KALRN: variants seen among roughly 807,000 people sequenced by gnomAD.
KALRN encodes kalirin RhoGEF kinase, also known as kalirin.
KALRN carries 70 observed loss-of-function variants against 353.7 expected under a neutral mutation model. The ratio of observed to expected loss-of-function variants is 0.20; its 90% CI spans 0.16 to 0.24. The LOEUF (loss-of-function observed/expected upper bound fraction) is 0.24, where lower values mean the gene tolerates loss of function less well. Among genes scored for constraint, KALRN ranks in the 10% least tolerant of loss-of-function variants. The pLI, the probability that KALRN is intolerant of heterozygous loss-of-function variation, is 1.00. For synonymous variants in KALRN, 1,391 were observed against 1,434.8 expected, an observed-to-expected ratio of 0.97 and a Z score of 0.69; for missense variants, 2,791 against 3,756.7, an observed-to-expected ratio of 0.74 and a Z score of 6.72.
chr3:124,151,710 G>A (rs1277075278), intron 1 of KALRN, among the ~76,000 whole-genome samples: 1 of 151,964 alleles, frequency 6.6e-6, no homozygotes, highest in African/African-American at 2.4e-5. Context: ...CTTTATTGTG[G>A]TCCAGTTTAT....
intron 25 of KALRN, among the ~76,000 whole-genome samples, chr3:124,468,166 G>A (rs1057298001): frequency 1.3e-5 from 2 of 152,172 alleles, no homozygotes; most frequent in Non-Finnish European, 2.9e-5. Context: ...TGTACATTAT[G>A]CCCTGATATA....
chr3:124,492,158 A>G (rs2063236624), intron 31 of KALRN, among the ~76,000 whole-genome samples: 1 of 152,248 alleles, frequency 6.6e-6, no homozygotes, highest in African/African-American at 2.4e-5. Flanking sequence ...AACTGCCAGC[A>G]TAGCTGCTAC....
intron 1 of KALRN, among the ~76,000 whole-genome samples, chr3:124,037,347 G>A (rs1272588389): frequency 6.6e-6 from 1 of 152,220 alleles, no homozygotes; most frequent in East Asian, 1.9e-4. Context: ...AATGAAGAAT[G>A]GGCAGTGGCA....
intron 1 of KALRN, among the ~76,000 whole-genome samples, chr3:124,140,434 G>C (rs778279347): frequency 6.6e-6 from 1 of 152,204 alleles, no homozygotes; most frequent in Non-Finnish European, 1.5e-5. Context: ...GCTCTTCTCT[G>C]TCTCTGTCAG....
At chr3:124,605,648 G>A (rs2077271403) in intron 34 of KALRN, among the ~76,000 whole-genome samples, 1 of 151,350 alleles carries the variant, frequency 6.6e-6, no homozygotes, top group South Asian at 2.1e-4. Flanking sequence ...GTATCCAAAT[G>A]GGGCCCAAAA....
chr3:124,481,138 A>G (rs1207561818), intron 27 of KALRN, among the ~76,000 whole-genome samples: 1 of 152,048 alleles, frequency 6.6e-6, no homozygotes, highest in Non-Finnish European at 1.5e-5. Context: ...TGTTGCTGTT[A>G]GGTATATATA....
chr3:124,082,459 G>A (rs1035574869), intron 1 of KALRN: 1 of 362,334 alleles, frequency 2.8e-6, no homozygotes, highest in African/African-American at 2.1e-5. Context: ...GGGGTGAGGT[G>A]GTGGTGGTGC....
intron 9 of KALRN, among the ~76,000 whole-genome samples, chr3:124,339,513 G>A (rs2081466895): frequency 6.6e-6 from 1 of 152,196 alleles, no homozygotes; most frequent in Non-Finnish European, 1.5e-5. Flanking sequence ...TTCAAGTGGT[G>A]CCTGCATGCT....
At chr3:124,615,007 T>G (rs2078409942) in intron 34 of KALRN, among the ~76,000 whole-genome samples, 1 of 152,272 alleles carries the variant, frequency 6.6e-6, no homozygotes, top group Admixed American at 6.5e-5. Context: ...AAACATTACT[T>G]ATAGTTAATT....
At chr3:124,578,884 C>T (rs2074376039) in intron 34 of KALRN, among the ~76,000 whole-genome samples, 1 of 97,388 alleles carries the variant, frequency 1.0e-5, no homozygotes, top group Admixed American at 1.0e-4. Context: ...GAGATCAGGG[C>T]CTGGCCTCTG....
intron 10 of KALRN, among the ~76,000 whole-genome samples, chr3:124,353,887 C>T (rs1257527255): frequency 6.6e-6 from 1 of 152,160 alleles, no homozygotes; most frequent in African/African-American, 2.4e-5. Flanking sequence ...TTGCATGACA[C>T]GTTTCCCGTT....
intron 11 of KALRN, among the ~76,000 whole-genome samples, chr3:124,394,389 T>C (rs897801739): frequency 1.3e-5 from 2 of 152,238 alleles, no homozygotes; most frequent in African/African-American, 4.8e-5. Context: ...CTGTATTCAG[T>C]ATGATGAGGA....
Position 124,439,200 on chromosome 3 carries a change from T to TCACACACACACACACACACA in KALRN, c.3198+181_3198+200dup, listed in dbSNP as rs376221553. 3.4e-3 allele frequency among the ~76,000 whole-genome samples: 336 copies of TCACACACACACACACACACA among 98,894 alleles called. 6 individuals are homozygous for TCACACACACACACACACACA. The highest frequency in any genetic ancestry group is 0.011 in the African/African-American group (300 of 28,374). 64.9% of individuals were successfully genotyped at this position (98,894 alleles called of 152,430 possible). A position where few individuals can be genotyped will look rare whatever the true frequency, so the allele number is the denominator to read the frequency against. The stretch of plus-strand genomic sequence containing the variant: ...TCCTTCTTCTCCTTCTCTCTCTCTC[T>TCACACACACACACACACACA]CACACACACACACACACACACACAC... On this transcript the variant is annotated intron_variant, in intron 18 of 59. Transcript: ENST00000682506.
rs555551311 is a variant in KALRN at position 124,088,315 on chromosome 3, C to A, written c.73+54502C>A. Among the ~76,000 whole-genome samples, 7 of 152,294 alleles carry A rather than the reference C, an allele frequency of 4.6e-5. No individual in the cohort carries two copies. In the South Asian group the frequency reaches 1.2e-3, roughly 27 times the overall value. ...TTGAATCTCCAGTGGAACTTTCCAA[C>A]CTGTGTCAGAAAGAGGAGATCAGAT... On this transcript the variant is annotated intron_variant, in intron 1 of 59. Transcript: ENST00000682506.
intron 34 of KALRN, among the ~76,000 whole-genome samples, chr3:124,613,295 A>G (rs902802864): frequency 6.6e-6 from 1 of 152,080 alleles, no homozygotes; most frequent in Non-Finnish European, 1.5e-5. Flanking sequence ...CCATCTTTTC[A>G]TGTTTGCCTT....
At chr3:124,530,017 T>C (rs1347782817) in intron 33 of KALRN, among the ~76,000 whole-genome samples, 3 of 152,060 alleles carry the variant, frequency 2.0e-5, no homozygotes, top group Non-Finnish European at 4.4e-5. Context: ...CCCACCCCCA[T>C]CTCATTCAAC....
intron 1 of KALRN, among the ~76,000 whole-genome samples, chr3:124,185,000 T>C (rs1269869951): frequency 1.3e-5 from 2 of 152,236 alleles, no homozygotes; most frequent in African/African-American, 2.4e-5. Context: ...TCCCCATTTA[T>C]GGAGGTTTGT....
intron 10 of KALRN, among the ~76,000 whole-genome samples, chr3:124,354,775 G>A (rs532244952): frequency 5.6e-4 from 85 of 152,268 alleles, no homozygotes; most frequent in African/African-American, 1.9e-3. Flanking sequence ...CTAGAAAATG[G>A]CAATAGAAGA....
At chr3:124,132,815 C>G (rs1004875830) in intron 1 of KALRN, 22 of 153,386 alleles carry the variant, frequency 1.4e-4, no homozygotes, top group African/African-American at 5.1e-4. Context: ...GGAACTAGAC[C>G]AGACCTTAAC....
Sources: gnomAD v4.1 joint callset for allele counts (sites outside exome capture counted in the v4.1 genomes callset) on GRCh38, gnomAD v4.1.1 for gene constraint, MANE v1.5 for transcripts, NCBI Gene and HGNC (gene_info 2026-07-23, HGNC 2026-07-21) for gene names.